The following TMEM135 variants were observed in gnomAD, a reference collection of about 807,000 sequenced individuals.
TMEM135 encodes transmembrane protein 135, also known as peroxisomal membrane protein 52.
A neutral mutation model predicts 60.3 loss-of-function variants in TMEM135; 30 were observed. The observed-to-expected ratio is 0.50, with a 90% CI of 0.37 to 0.68. The LOEUF is 0.68. TMEM135 is among the 30% of genes least tolerant of loss of function. The pLI is 0.00. For missense variants in TMEM135, 468 were observed against 548.8 expected, an observed-to-expected ratio of 0.85 and a Z score of 1.47; for synonymous variants, 190 against 186.7, an observed-to-expected ratio of 1.02 and a Z score of -0.14.
At chr11:87,241,447 C>G (rs1941132427) in intron 6 of TMEM135, among the ~76,000 whole-genome samples, 1 of 152,088 alleles carries the variant, frequency 6.6e-6, no homozygotes. Flanking sequence ...GCATACCTAA[C>G]TGTCACATCA....
intron 3 of TMEM135, among the ~76,000 whole-genome samples, chr11:87,081,627 C>T (rs1025833894): frequency 4.0e-5 from 6 of 150,404 alleles, no homozygotes; most frequent in East Asian, 2.0e-4. Context: ...AAGGTGATAA[C>T]GTGGATTTGG....
At chr11:87,206,427 AT>A (rs1385257629) in intron 5 of TMEM135, among the ~76,000 whole-genome samples, 1 of 152,164 alleles carries the variant, frequency 6.6e-6, no homozygotes, top group Admixed American at 6.5e-5. Context: ...TCATTCAGAA[AT>A]TTTTGAATGT....
At chr11:87,219,137 C>T (rs1226872368) in intron 5 of TMEM135, among the ~76,000 whole-genome samples, 1 of 152,128 alleles carries the variant, frequency 6.6e-6, no homozygotes, top group East Asian at 1.9e-4. Context: ...GCTAACAACT[C>T]AGAGGTAGAT....
chr11:87,104,106 A>G (rs558168390), intron 4 of TMEM135, among the ~76,000 whole-genome samples: 5 of 152,200 alleles, frequency 3.3e-5, no homozygotes, highest in African/African-American at 1.2e-4. Context: ...ATTAATTTTT[A>G]TATAACATAT....
intron 5 of TMEM135, among the ~76,000 whole-genome samples, chr11:87,230,320 T>A (rs1218219256): frequency 3.3e-5 from 5 of 152,096 alleles, no homozygotes; most frequent in Non-Finnish European, 5.9e-5. Context: ...AATTTAAAAC[T>A]TTTTTTAAAA....
rs373771051 is a variant in TMEM135 at position 87,179,272 on chromosome 11, C to T, written c.462+21866C>T. 3.0e-4 allele frequency among the ~76,000 whole-genome samples: 45 copies of T among 152,172 alleles called. No individual in the cohort carries two copies. In the South Asian group the frequency reaches 8.5e-3, roughly 29 times the overall value. Reference sequence around the variant, plus strand: ...CTTTGAAAAGTTTTTCATTTTGGATCAAATCTTTTATTAAATATAGGATTT... The same window carrying T: ...CTTTGAAAAGTTTTTCATTTTGGATTAAATCTTTTATTAAATATAGGATTT... On this transcript the variant is annotated intron_variant, in intron 5 of 14. Transcript: ENST00000305494.
intron 1 of TMEM135, among the ~76,000 whole-genome samples, chr11:87,058,133 A>C (rs1949911169): frequency 6.6e-6 from 1 of 152,212 alleles, no homozygotes; most frequent in African/African-American, 2.4e-5. Flanking sequence ...AAGCCTACTC[A>C]CATTAGGAAG....
At chr11:87,137,019 G>T (rs1318241915) in intron 4 of TMEM135, among the ~76,000 whole-genome samples, 2 of 151,896 alleles carry the variant, frequency 1.3e-5, no homozygotes, top group African/African-American at 2.4e-5. Flanking sequence ...TTTTTACCAG[G>T]CTCACATCTT....
chr11:87,201,992 TATGTTATGTTATGTTATGTA>T (rs879724095), intron 5 of TMEM135, among the ~76,000 whole-genome samples: 10,896 of 137,312 alleles, frequency 0.079, 561 homozygotes, highest in African/African-American at 0.15. Context: ...TATGTTATGT[TATGTTATGTTATGTTATGTA>T]ATGTTATGTT....
At chr11:87,154,857 A>G (rs1335892528) in intron 4 of TMEM135, among the ~76,000 whole-genome samples, 2 of 152,252 alleles carry the variant, frequency 1.3e-5, no homozygotes, top group Non-Finnish European at 2.9e-5. Context: ...GGAGTTCCTA[A>G]TATACTCTGG....
At position 87,325,198 on chromosome 11, in the gene TMEM135, C is replaced by T. The variant is rs1942895090; in HGVS notation, c.*3865C>T. On this transcript the variant is annotated 3_prime_UTR_variant, in exon 15 of 15. Transcript: ENST00000305494. ...CTATGTTTCTGTTTAAAGTAGTGGC[C>T]TCAGGTGACTTTGTAATAGCCCTGT... is the stretch of plus-strand genomic sequence containing the variant. The T allele has an allele frequency of 2.2e-6, 1 of 453,808 alleles. No homozygotes were observed. Among genetic ancestry groups the T allele is most frequent in the African/African-American group, 2.0e-5 (1 of 49,922 alleles). 28.1% of individuals were successfully genotyped at this position (453,808 alleles called of 1,614,324 possible). A position where few individuals can be genotyped will look rare whatever the true frequency, so the allele number is the denominator to read the frequency against.
intron 5 of TMEM135, among the ~76,000 whole-genome samples, chr11:87,165,493 A>G (rs2135279416): frequency 7.2e-6 from 1 of 139,022 alleles, no homozygotes; most frequent in South Asian, 2.5e-4. Flanking sequence ...ATATTGGTCT[A>G]AAATTCTCTT....
chr11:87,298,785 T>TAAAAAAAA (rs1590855434), intron 7 of TMEM135, among the ~76,000 whole-genome samples: 2 of 11,658 alleles, frequency 1.7e-4, no homozygotes, highest in East Asian at 1.3e-3. Context: ...AGACTCTGTC[T>TAAAAAAAA]CAAAAAAAAA....
At chr11:87,154,234 G>A (rs1018041842) in intron 4 of TMEM135, among the ~76,000 whole-genome samples, 24 of 152,232 alleles carry the variant, frequency 1.6e-4, no homozygotes, top group South Asian at 4.1e-4. Context: ...TTCAGTATTT[G>A]TTGTTTTGCT....
At chr11:87,105,162 A>G (rs551609880) in intron 4 of TMEM135, among the ~76,000 whole-genome samples, 1 of 152,304 alleles carries the variant, frequency 6.6e-6, no homozygotes, top group Non-Finnish European at 1.5e-5. Context: ...TGAGATGATC[A>G]TAAGGTTTTC....
In TMEM135 at chr11:87,302,331, C is replaced by A. The variant is rs759770678; in HGVS notation, c.587C>A (p.Ser196Tyr). The A allele has an allele frequency of 1.9e-6, 3 of 1,613,466 alleles. No homozygotes were observed. The highest frequency in any genetic ancestry group is 2.2e-5 in the South Asian group (2 of 91,048). Residue 196 changes from serine (S) to tyrosine (Y), a missense_variant, in exon 8 of 15, where the codon TCT becomes TAT. Coordinates refer to ENST00000305494, the MANE Select transcript of TMEM135 (RefSeq NM_022918.4). ...IVGKEEIPTHSFSPEAAYAKV... is the reference protein window; with the variant it reads ...IVGKEEIPTHYFSPEAAYAKV... ...GGGAAGGAAGAAATTCCCACACATT[C>A]TTTTTCACCAGAGGCAGCATATGCA... is the stretch of plus-strand genomic sequence containing the variant.
intron 5 of TMEM135, among the ~76,000 whole-genome samples, chr11:87,208,671 A>G (rs1011765385): frequency 1.3e-5 from 2 of 152,186 alleles, no homozygotes; most frequent in African/African-American, 2.4e-5. Flanking sequence ...AAATTTCCCA[A>G]TCTCACTAGA....
intron 6 of TMEM135, among the ~76,000 whole-genome samples, chr11:87,284,555 C>T (rs1199726259): frequency 6.6e-6 from 1 of 152,206 alleles, no homozygotes; most frequent in Non-Finnish European, 1.5e-5. Flanking sequence ...CACTTGATTA[C>T]CCATAACTGC....
intron 4 of TMEM135, among the ~76,000 whole-genome samples, chr11:87,098,727 C>T (rs1384128328): frequency 1.3e-5 from 2 of 151,868 alleles, no homozygotes; most frequent in South Asian, 2.1e-4. Context: ...CTTGCTCTGT[C>T]GCCCAGGCTG....
Sources: allele counts gnomAD v4.1 joint callset (sites outside exome capture counted in the v4.1 genomes callset), GRCh38; gene constraint gnomAD v4.1.1; transcripts MANE v1.5; gene names NCBI Gene and HGNC (gene_info 2026-07-23, HGNC 2026-07-21).